Variants in THRA observed in about 807,000 individuals in gnomAD.
The protein encoded by THRA is thyroid hormone receptor alpha, also known as EAR-7.
Under a neutral mutation model 45.0 loss-of-function variants are expected in THRA, and 13 were observed. The observed-to-expected ratio is 0.29, with a 90% CI of 0.19 to 0.46. THRA has a LOEUF of 0.46. Ranked by LOEUF, THRA falls within the 20% of genes least tolerant of loss-of-function variation. The pLI, the probability that THRA is intolerant of heterozygous loss-of-function variation, is 1.00. For synonymous variants in THRA, 195 were observed against 214.0 expected (o/e 0.91, Z 0.78); for missense variants, 278 against 556.1 (o/e 0.50, Z 5.03).
In THRA at chr17:40,092,732, C is replaced by G. The variant is rs1987627965; in HGVS notation, c.*3276C>G. 1.2e-5 allele frequency: 4 copies of G among 339,514 alleles called. No homozygotes were observed. The South Asian group carries it at 1.4e-4, about 12-fold the overall frequency. The allele number at this position is 339,514 out of a possible 1,614,324, so 21.0% of individuals were successfully genotyped here. A position where few individuals can be genotyped will look rare whatever the true frequency, so the allele number is the denominator to read the frequency against. ...ACTGACCAGATGGAGAGGTGGCCCC[C>G]CCCAGCCTTGGCAGTATTTCCACCC... On this transcript the variant is annotated 3_prime_UTR_variant, in exon 9 of 9. Coordinates refer to ENST00000450525, the MANE Select transcript of THRA (RefSeq NM_199334.5).
rs1312660215 is a variant in THRA, at chr17:40,091,093, C to G, written c.*1637C>G. The G allele has an allele frequency of 8.8e-6, 1 of 113,582 alleles. No homozygotes were observed. Among genetic ancestry groups the G allele is most frequent in the Admixed American group, 1.0e-4 (1 of 9,896 alleles). 7.0% of individuals were successfully genotyped at this position (113,582 alleles called of 1,614,324 possible). On this transcript the variant is annotated 3_prime_UTR_variant, in exon 9 of 9. Transcript: ENST00000450525. ...ATGGATGGGTGGACACAGATGCCCC[C>G]GGAAGCCATGGGGATTGGGGCAGGG...
chr17:40,067,804 G>A (rs1986624982), intron 1 of THRA, among the ~76,000 whole-genome samples: 1 of 152,166 alleles, frequency 6.6e-6, no homozygotes, highest in African/African-American at 2.4e-5. Context: ...GATCACTTGA[G>A]GCCAGTAGTT....
At chr17:40,093,469 C>A, downstream of THRA, 1 of 1,490,998 alleles carries the variant, frequency 6.7e-7, no homozygotes. This position sits in a 1 kb window ranked among gnomAD's most constrained non-coding sequence, Gnocchi z 5.9. Context: ...TGCCTGAAAG[C>A]TGGGAGCGTG....
chr17:40,084,226 G>A (rs903185508), intron 5 of THRA, among the ~76,000 whole-genome samples: 2 of 152,142 alleles, frequency 1.3e-5, no homozygotes, highest in Non-Finnish European at 2.9e-5. Flanking sequence ...AGAGGGAGTC[G>A]TTTGGTAGAA....
At chr17:40,087,692 C>T (rs1987381245) in intron 7 of THRA, among the ~76,000 whole-genome samples, 1 of 152,244 alleles carries the variant, frequency 6.6e-6, no homozygotes, top group South Asian at 2.1e-4. Context: ...TTACCTCCAT[C>T]CCCTGTGCCT....
intron 5 of THRA, 68 bp downstream of exon 5, chr17:40,084,050 C>A: frequency 6.6e-7 from 1 of 1,518,490 alleles, no homozygotes; most frequent in South Asian, 1.3e-5. Flanking sequence ...GGGAGGGCAG[C>A]TTCCTTCCAG....
At chr17:40,080,060 G>C (rs1016195172) in intron 4 of THRA, among the ~76,000 whole-genome samples, 3 of 150,612 alleles carry the variant, frequency 2.0e-5, no homozygotes, top group Non-Finnish European at 4.4e-5. Flanking sequence ...CAGAGCGACA[G>C]AGTGATACTC....
chr17:40,083,800 C>G (rs775352272), intron 4 of THRA, 35 bp from the exon 5 acceptor site: 7 of 1,563,202 alleles, frequency 4.5e-6, no homozygotes, highest in Non-Finnish European at 6.1e-6. Context: ...GAAGCCATGT[C>G]ATGATCACAG....
At chr17:40,082,381 ATTTTTTCTTTT>A (rs1306885942) in intron 4 of THRA, among the ~76,000 whole-genome samples, 1 of 148,388 alleles carries the variant, frequency 6.7e-6, no homozygotes, top group Non-Finnish European at 1.5e-5. Flanking sequence ...TTCCCGGCTA[ATTTTTTCTTTT>A]TTTTTTCTTT....
At chr17:40,081,824 G>A (rs1182389734) in intron 4 of THRA, among the ~76,000 whole-genome samples, 2 of 151,782 alleles carry the variant, frequency 1.3e-5, no homozygotes, top group Admixed American at 6.6e-5. Context: ...TTAGCCGGGC[G>A]TAATGGTGGG....
intron 1 of THRA, chr17:40,069,155 CTCTG>C (rs1192631981): frequency 6.8e-6 from 1 of 146,712 alleles, no homozygotes; most frequent in African/African-American, 2.5e-5. Context: ...CCCTCCCCCT[CTCTG>C]TCTCTCCCTC....
At chr17:40,075,651 A>AACCCCTCCCCCATCACCT (rs1986926877) in intron 2 of THRA, among the ~76,000 whole-genome samples, 1 of 152,152 alleles carries the variant, frequency 6.6e-6, no homozygotes, top group Non-Finnish European at 1.5e-5. Flanking sequence ...CTAAGACTGC[A>AACCCCTCCCCCATCACCT]ACCCCTCCCC....
chr17:40,093,060 C>T (rs202143691), downstream of THRA: 26 of 1,613,990 alleles, frequency 1.6e-5, no homozygotes, highest in Admixed American at 2.8e-4. This position sits in a 1 kb window ranked among gnomAD's most constrained non-coding sequence, Gnocchi z 5.9. Flanking sequence ...AAGGGGGCAG[C>T]GGCAGAAGGC....
At chr17:40,082,375 C>T (rs192394594) in intron 4 of THRA, among the ~76,000 whole-genome samples, 103 of 151,504 alleles carry the variant, frequency 6.8e-4, no homozygotes, top group Non-Finnish European at 1.2e-3. Flanking sequence ...CCACCATTCC[C>T]GGCTAATTTT....
downstream of THRA, chr17:40,093,143 C>A: frequency 6.2e-7 from 1 of 1,614,058 alleles, no homozygotes; most frequent in South Asian, 1.1e-5. The surrounding 1 kb of genome is among the most constrained non-coding windows in gnomAD (Gnocchi z 5.9). Context: ...TCAGGGTCCG[C>A]AGGTCCGGCA....
intron 1 of THRA, among the ~76,000 whole-genome samples, chr17:40,070,519 G>A (rs1986736864): frequency 6.6e-6 from 1 of 152,184 alleles, no homozygotes; most frequent in African/African-American, 2.4e-5. Flanking sequence ...GTGGCTGCCT[G>A]TGGTGCCCGT....
chr17:40,077,432 T>C, intron 3 of THRA, 76 bp from the exon 4 acceptor site: 1 of 1,346,000 alleles, frequency 7.4e-7, no homozygotes, highest in South Asian at 1.2e-5. Context: ...AGTTGAGGGA[T>C]GGGGAAAAGT....
Position 40,088,504 on chromosome 17 carries a change from C to A in THRA, c.982+4C>A. ...GCTGTGCTGCTAATGTCAACAGGTA[C>A]CTGCTGATTAGTCGGGAGGGCTCAG... On this transcript the variant is annotated splice_donor_region_variant and intron_variant, in intron 8 of 8. Coordinates refer to ENST00000450525, the MANE Select transcript of THRA (RefSeq NM_199334.5). 1 of 1,607,968 alleles carries A rather than the reference C, an allele frequency of 6.2e-7. No homozygotes were observed. Among genetic ancestry groups the A allele is most frequent in the East Asian group, 2.2e-5 (1 of 44,744 alleles).
chr17:40,084,394 T>C (rs1165046533), intron 5 of THRA: 3 of 584,940 alleles, frequency 5.1e-6, no homozygotes, highest in Non-Finnish European at 9.1e-6. Context: ...GAACATGATA[T>C]TCATCTGGAT....
Sources: allele counts gnomAD v4.1 joint callset (sites outside exome capture counted in the v4.1 genomes callset), GRCh38; gene constraint gnomAD v4.1.1; non-coding constraint Gnocchi (gnomAD v3.1); transcripts MANE v1.5; gene names NCBI Gene and HGNC (gene_info 2026-07-23, HGNC 2026-07-21).